Variants in MED15 observed in about 807,000 individuals in gnomAD.
MED15 encodes the protein mediator of RNA polymerase II transcription subunit 15.
MED15 carries 41 observed loss-of-function variants against 118.7 expected under a neutral mutation model. That is an observed-to-expected ratio of 0.35 (90% confidence interval 0.27 to 0.45). The LOEUF (loss-of-function observed/expected upper bound fraction) is 0.45. MED15 is among the 20% of genes least tolerant of loss of function. The pLI is 1.00. For missense variants in MED15, 740 were observed against 1,025.5 expected, an observed-to-expected ratio of 0.72 and a Z score of 3.80; for synonymous variants, 436 against 413.9, an observed-to-expected ratio of 1.05 and a Z score of -0.65.
intron 1 of MED15, among the ~76,000 whole-genome samples, chr22:20,531,024 C>T (rs900780512): frequency 3.2e-4 from 48 of 152,172 alleles, no homozygotes; most frequent in Non-Finnish European, 6.0e-4. Flanking sequence ...TACTATCATC[C>T]TCAGGGCTAC....
In MED15 at chr22:20,586,851, G is replaced by T. The variant is rs771029213; in HGVS notation, c.*147G>T. 361 of 1,232,550 alleles carry T rather than the reference G, an allele frequency of 2.9e-4. 1 individual carries two copies. The highest frequency in any genetic ancestry group is 3.9e-4 in the Non-Finnish European group (351 of 902,600). 76.4% of individuals were successfully genotyped at this position (1,232,550 alleles called of 1,614,324 possible). A position where few individuals can be genotyped will look rare whatever the true frequency, so the allele number is the denominator to read the frequency against. On this transcript the variant is annotated 3_prime_UTR_variant, in exon 18 of 18. Coordinates refer to ENST00000263205, the MANE Select transcript of MED15 (RefSeq NM_001003891.3). ...CTTCTGCCTTGGGGACCTGCCAAAC[G>T]AAATCCCACACCTGTACAGAACTGG... is the stretch of plus-strand genomic sequence containing the variant.
At chr22:20,548,149 TG>T (rs1289185898) in intron 2 of MED15, among the ~76,000 whole-genome samples, 1 of 150,384 alleles carries the variant, frequency 6.6e-6, no homozygotes, top group Non-Finnish European at 1.5e-5. Context: ...AGCTTTGATT[TG>T]TTTTTTTTGT....
chr22:20,576,556 A>G (rs1050457909), intron 9 of MED15, among the ~76,000 whole-genome samples: 1 of 152,292 alleles, frequency 6.6e-6, no homozygotes, highest in African/African-American at 2.4e-5. Flanking sequence ...TGCCATTCAC[A>G]TAGTTACTGA....
chr22:20,540,776 C>T (rs946420775), intron 2 of MED15, among the ~76,000 whole-genome samples: 5 of 151,966 alleles, frequency 3.3e-5, no homozygotes, highest in African/African-American at 1.2e-4. Flanking sequence ...AAAACTTGTA[C>T]ATCATAGGAC....
Position 20,584,926 on chromosome 22 carries a change from C to T in MED15, c.1875C>T (p.Val625=), listed in dbSNP as rs1569254298. The change falls in exon 15 of 18, where the codon GTC becomes GTT. Residue 625 remains valine (V), a synonymous_variant. Coordinates refer to ENST00000263205, the MANE Select transcript of MED15 (RefSeq NM_001003891.3). ...QYLCQPLLDA[V]LANIRSPVFN... ...TATGCCAGCCGCTCCTGGATGCCGT[C>T]CTGGCCAACATCCGCTCACCTGTCT... 1.2e-6 allele frequency: 2 copies of T among 1,614,086 alleles called. No homozygotes were observed. Among genetic ancestry groups the T allele is most frequent in the East Asian group, 2.2e-5 (1 of 44,890 alleles).
intron 6 of MED15, 59 bp downstream of exon 6, chr22:20,564,747 G>A: frequency 6.2e-7 from 1 of 1,605,290 alleles, no homozygotes; most frequent in East Asian, 2.2e-5. Flanking sequence ...CCCTGGGCTG[G>A]CATCAGCCAC....
chr22:20,518,939 A>G (rs1479209117), intron 1 of MED15: 6 of 441,692 alleles, frequency 1.4e-5, no homozygotes, highest in Non-Finnish European at 2.7e-5. Flanking sequence ...TGCAACCTCC[A>G]CCTCCTGGGC....
intron 2 of MED15, among the ~76,000 whole-genome samples, chr22:20,539,371 A>G (rs1392553840): frequency 1.3e-5 from 2 of 152,198 alleles, no homozygotes; most frequent in Non-Finnish European, 2.9e-5. Context: ...TTGGCCTCCC[A>G]AAGTACTGGG....
chr22:20,546,217 T>G (rs780618129), intron 2 of MED15, among the ~76,000 whole-genome samples: 10 of 152,170 alleles, frequency 6.6e-5, no homozygotes, highest in Non-Finnish European at 1.5e-4. Context: ...CTCTGATGTC[T>G]CCCAAGCTGC....
chr22:20,564,272 CA>C (rs1384931436), intron 5 of MED15, among the ~76,000 whole-genome samples, 177 bp from the exon 6 acceptor site: 1 of 152,180 alleles, frequency 6.6e-6, no homozygotes, highest in East Asian at 1.9e-4. Context: ...ATCCCAAAAT[CA>C]ACACAAATGC....
chr22:20,532,464 C>T (rs989666656), intron 1 of MED15, among the ~76,000 whole-genome samples: 5 of 152,168 alleles, frequency 3.3e-5, no homozygotes, highest in African/African-American at 7.2e-5. Context: ...AATGATGAAT[C>T]GGTCCCCTGG....
chr22:20,553,474 C>G (rs1266129899), intron 4 of MED15, among the ~76,000 whole-genome samples: 2 of 152,352 alleles, frequency 1.3e-5, no homozygotes, highest in East Asian at 3.9e-4. Context: ...GTGTTGAGCT[C>G]TCTGGTAGAG....
intron 9 of MED15, among the ~76,000 whole-genome samples, chr22:20,580,285 C>T (rs901367970): frequency 6.6e-5 from 10 of 152,234 alleles, no homozygotes; most frequent in African/African-American, 1.7e-4. Context: ...TCCTGAGGTT[C>T]GAGAGCAGAT....
At chr22:20,584,097 A>G in intron 13 of MED15, 1 of 533,458 alleles carries the variant, frequency 1.9e-6, no homozygotes, top group Non-Finnish European at 3.4e-6. Flanking sequence ...CCTACATGAC[A>G]ATGAGGCATT....
chr22:20,535,872 C>CTTTTTTTTTT (rs536712415), intron 1 of MED15, among the ~76,000 whole-genome samples: 1 of 98,688 alleles, frequency 1.0e-5, no homozygotes, highest in Non-Finnish European at 2.0e-5. Context: ...TTCTTTCTTT[C>CTTTTTTTTTT]TTTTTTTTTT....
intron 13 of MED15, chr22:20,583,619 T>TC: frequency 1.8e-6 from 1 of 552,826 alleles, no homozygotes; most frequent in Non-Finnish European, 3.2e-6. Flanking sequence ...GCTGTGGCCC[T>TC]CATGCTGGGC....
At chr22:20,538,965 T>A (rs939461181) in intron 2 of MED15, among the ~76,000 whole-genome samples, 6 of 151,950 alleles carry the variant, frequency 3.9e-5, no homozygotes, top group Non-Finnish European at 8.8e-5. Flanking sequence ...CCTCCCAAAG[T>A]GCAGGGATTA....
At chr22:20,529,162 T>G (rs1771149) in intron 1 of MED15, among the ~76,000 whole-genome samples, 2 of 152,068 alleles carry the variant, frequency 1.3e-5, no homozygotes, top group Admixed American at 6.6e-5. Flanking sequence ...GGTTTTTTTT[T>G]CTGTGGTTTT....
chr22:20,515,207 G>A (rs1429768682), intron 1 of MED15, among the ~76,000 whole-genome samples: 2 of 152,210 alleles, frequency 1.3e-5, no homozygotes, highest in African/African-American at 2.4e-5. Flanking sequence ...GGCATGCTAT[G>A]CCAAGCCCTG....
Sources: gnomAD v4.1 joint callset for allele counts (sites outside exome capture counted in the v4.1 genomes callset) on GRCh38, gnomAD v4.1.1 for gene constraint, MANE v1.5 for transcripts, NCBI Gene and HGNC (gene_info 2026-07-23, HGNC 2026-07-21) for gene names.